RASA3: variants seen among roughly 807,000 people sequenced by gnomAD.
RASA3 encodes ras GTPase-activating protein 3.
A neutral mutation model predicts 110.0 loss-of-function variants in RASA3; 73 were observed. The observed-to-expected ratio is 0.66, with a 90% CI of 0.55 to 0.81. The LOEUF is 0.81. Among genes scored for constraint, RASA3 ranks in the 30% least tolerant of loss-of-function variants. The pLI is 0.00. For synonymous variants in RASA3, 500 were observed against 451.4 expected, an observed-to-expected ratio of 1.11 and a Z score of -1.37; for missense variants, 976 against 1,113.2, an observed-to-expected ratio of 0.88 and a Z score of 1.75.
chr13:114,116,875 A>ATC, intron 1 of RASA3, among the ~76,000 whole-genome samples: 1 of 87,516 alleles, frequency 1.1e-5, no homozygotes, highest in East Asian at 3.7e-4. Context: ...AGGGGTGCAC[A>ATC]TGTATGAGGG....
At position 114,004,555 on chromosome 13, in the gene RASA3, C is replaced by T. The variant is rs140929312; in HGVS notation, c.1742+2978G>A. On this transcript the variant is annotated intron_variant, in intron 18 of 23. Transcript: ENST00000334062. ...AGGCAGAACGAAGCCACCTGCGACC[C>T]CAGCTCACGCCAGGCAGAATGGAGC... Among the ~76,000 whole-genome samples, 735 of 152,202 alleles carry T rather than the reference C, an allele frequency of 4.8e-3. 6 individuals carry two copies. Among genetic ancestry groups the T allele is most frequent in the African/African-American group, 0.017 (701 of 41,510 alleles).
chr13:114,079,154 C>T (rs973688034), intron 1 of RASA3, among the ~76,000 whole-genome samples: 8 of 152,236 alleles, frequency 5.3e-5, no homozygotes, highest in African/African-American at 1.9e-4. Flanking sequence ...GCTCCTGGCA[C>T]CAACCCAGAC....
In RASA3 at chr13:114,051,023, G is replaced by A. The variant is rs116557825; in HGVS notation, c.277+1029C>T. ...GCGTGGGGTGGAGCGGCCGTGACACGGTGTGAGGAGCCAGTGTGAGCAGCG... is the reference window on the plus strand; with the variant it reads ...GCGTGGGGTGGAGCGGCCGTGACACAGTGTGAGGAGCCAGTGTGAGCAGCG... On this transcript the variant is annotated intron_variant, in intron 3 of 23. Transcript: ENST00000334062. Among the ~76,000 whole-genome samples the A allele has an allele frequency of 5.1e-4, 77 of 152,356 alleles. 2 individuals are homozygous for A. Among genetic ancestry groups the A allele is most frequent in the African/African-American group, 1.8e-3 (74 of 41,588 alleles).
chr13:113,992,076 CCA>C (rs1190862439), intron 22 of RASA3, among the ~76,000 whole-genome samples: 2 of 152,120 alleles, frequency 1.3e-5, no homozygotes, highest in African/African-American at 2.4e-5. Context: ...TCACACATGT[CCA>C]CATTCACACG....
At chr13:114,077,187 C>A (rs544584977) in intron 1 of RASA3, among the ~76,000 whole-genome samples, 1 of 152,180 alleles carries the variant, frequency 6.6e-6, no homozygotes, top group Admixed American at 6.5e-5. Flanking sequence ...CACTGCAGGA[C>A]GGAAACACAC....
At position 114,011,451 on chromosome 13, in the gene RASA3, A is replaced by G. The variant is rs2053636079; in HGVS notation, c.1513-203T>C. Among the ~76,000 whole-genome samples the G allele has an allele frequency of 6.6e-6, 1 of 152,114 alleles. No individual in the cohort carries two copies. Among genetic ancestry groups the G allele is most frequent in the Non-Finnish European group, 1.5e-5 (1 of 68,014 alleles). On this transcript the variant is annotated intron_variant, in intron 15 of 23. Coordinates refer to ENST00000334062, the MANE Select transcript of RASA3 (RefSeq NM_007368.4). This position sits in a 1 kb window ranked among gnomAD's most constrained non-coding sequence, Gnocchi z 4.8. Reference sequence around the variant, plus strand: ...TCAGGAGCTGCTGAGACCATCCCGCAGGCAACATCCGACGGCACCGCGGTG... The same window carrying G: ...TCAGGAGCTGCTGAGACCATCCCGCGGGCAACATCCGACGGCACCGCGGTG...
rs532942407 is a variant in RASA3, at chr13:114,015,408, G to C, written c.1282-76C>G. The C allele has an allele frequency of 6.6e-4, 1,040 of 1,578,852 alleles. 1 individual carries two copies. Among genetic ancestry groups the C allele is most frequent in the Middle Eastern group, 9.3e-4 (5 of 5,368 alleles). ...CGTGTAGCACCAGGGCACGCCCAGG[G>C]AGGGGCGCGTGGGGAGGGGCTGAGG... On this transcript the variant is annotated intron_variant, in intron 13 of 23. Coordinates refer to ENST00000334062, the MANE Select transcript of RASA3 (RefSeq NM_007368.4).
intron 7 of RASA3, among the ~76,000 whole-genome samples, 176 bp downstream of exon 7, chr13:114,027,213 C>G (rs759266543): frequency 2.7e-5 from 4 of 150,564 alleles, no homozygotes; most frequent in Non-Finnish European, 5.9e-5. Flanking sequence ...AACCCAGGGC[C>G]GGCCGGCGGG....
chr13:114,062,762 G>C (rs925659500), intron 2 of RASA3, among the ~76,000 whole-genome samples: 6 of 151,788 alleles, frequency 4.0e-5, no homozygotes, highest in Non-Finnish European at 7.4e-5. Context: ...ATGACAGCCA[G>C]ACAGTGGAAA....
chr13:114,020,601 G>A lies in RASA3; in HGVS notation c.785+803C>T, dbSNP rs1459097797. On this transcript the variant is annotated intron_variant, in intron 9 of 23. Transcript: ENST00000334062. ...GGGAGTGCACGCTTCCCGTGACTCC[G>A]GGCCCTCTCAGGAGCTGCCTGTCGC... 2.6e-5 allele frequency among the ~76,000 whole-genome samples: 4 copies of A among 152,332 alleles called. No individual in the cohort carries two copies. In the East Asian group the frequency reaches 5.8e-4, roughly 22 times the overall value.
chr13:114,012,092 G>A (rs1047333054), intron 15 of RASA3, among the ~76,000 whole-genome samples: 1 of 151,942 alleles, frequency 6.6e-6, no homozygotes, highest in Non-Finnish European at 1.5e-5. Flanking sequence ...TGCTAAATAG[G>A]AATCTGTTGA....
At chr13:114,017,988 T>C (rs2053830956) in intron 11 of RASA3, 116 bp downstream of exon 11, 1 of 1,187,830 alleles carries the variant, frequency 8.4e-7, no homozygotes, top group South Asian at 2.0e-5. Flanking sequence ...ACATGGTTTC[T>C]GGGGACCCTT....
chr13:114,123,495 C>T (rs142103350), intron 1 of RASA3, among the ~76,000 whole-genome samples: 41 of 152,352 alleles, frequency 2.7e-4, no homozygotes, highest in Admixed American at 1.3e-4. Flanking sequence ...CTGGCTCCAA[C>T]GCCACACGAA....
intron 1 of RASA3, among the ~76,000 whole-genome samples, chr13:114,098,882 G>A (rs1407616523): frequency 6.6e-6 from 1 of 152,166 alleles, no homozygotes; most frequent in Non-Finnish European, 1.5e-5. Flanking sequence ...AAGAAAAAGA[G>A]GCTGCACAGA....
intron 3 of RASA3, among the ~76,000 whole-genome samples, chr13:114,043,581 A>C: frequency 6.6e-6 from 1 of 152,086 alleles, no homozygotes; most frequent in Non-Finnish European, 1.5e-5. Flanking sequence ...CTCTTGCCAC[A>C]CAGACATACA....
intron 1 of RASA3, among the ~76,000 whole-genome samples, chr13:114,100,304 G>A (rs955449814): frequency 5.3e-5 from 8 of 152,068 alleles, no homozygotes; most frequent in Non-Finnish European, 1.2e-4. Context: ...TGCGTCCTGG[G>A]GCACCCTCAG....
chr13:114,051,269 C>A (rs1013125715), intron 3 of RASA3, among the ~76,000 whole-genome samples: 2 of 152,178 alleles, frequency 1.3e-5, no homozygotes, highest in African/African-American at 4.8e-5. Flanking sequence ...TACACACTGG[C>A]TCCCCGGCCG....
chr13:114,031,095 A>G (rs1377130380), intron 4 of RASA3, among the ~76,000 whole-genome samples: 1 of 124,122 alleles, frequency 8.1e-6, no homozygotes, highest in Non-Finnish European at 1.6e-5. Flanking sequence ...CTGTGTGTGC[A>G]TGTGATTGTG....
At chr13:114,125,424 CGAGAGCGGGGGCAA>C (rs2080432115) in intron 1 of RASA3, among the ~76,000 whole-genome samples, 1 of 152,088 alleles carries the variant, frequency 6.6e-6, no homozygotes, top group African/African-American at 2.4e-5. Flanking sequence ...TCTCACACGG[CGAGAGCGGGGGCAA>C]GAGCGCGAGG....
Sources: gnomAD v4.1 joint callset for allele counts (sites outside exome capture counted in the v4.1 genomes callset) on GRCh38, gnomAD v4.1.1 for gene constraint, Gnocchi (gnomAD v3.1) non-coding constraint, MANE v1.5 for transcripts, NCBI Gene and HGNC (gene_info 2026-07-23, HGNC 2026-07-21) for gene names.